ARNT: variants seen among roughly 807,000 people sequenced by gnomAD.
ARNT encodes the protein class E basic helix-loop-helix protein 2.
ARNT carries 30 observed loss-of-function variants against 105.0 expected under a neutral mutation model. That is an observed-to-expected ratio of 0.29 (90% CI 0.21 to 0.39). ARNT has a LOEUF of 0.39. ARNT is among the 10% of genes least tolerant of loss of function. The pLI, the probability that ARNT is intolerant of heterozygous loss-of-function variation, is 1.00. For synonymous variants in ARNT, 304 were observed against 344.0 expected (o/e 0.88, Z 1.29); for missense variants, 748 against 978.7 (o/e 0.76, Z 3.15).
At chr1:150,847,494 C>A (rs587641831) in intron 3 of ARNT, among the ~76,000 whole-genome samples, 2 of 151,828 alleles carry the variant, frequency 1.3e-5, no homozygotes, top group African/African-American at 4.8e-5. Context: ...CACAACAACC[C>A]GACTTGGTAA....
intron 14 of ARNT, among the ~76,000 whole-genome samples, chr1:150,819,754 C>T (rs773644471): frequency 2.0e-5 from 3 of 152,070 alleles, no homozygotes; most frequent in Non-Finnish European, 4.4e-5. Context: ...CATAGTTATA[C>T]AGAATTTCAG....
Position 150,831,860 on chromosome 1 carries a change from C to A in ARNT, c.913G>T (p.Val305Leu), listed in dbSNP as rs1022315844. ...SVKDGEPHFVVVHCTGYIKAW... is the reference protein window; with the variant it reads ...SVKDGEPHFVLVHCTGYIKAW... ...TTGATGTAGCCTGTGCAGTGGACCA[C>A]CACGAAGTGAGGTTCCCCATCCTTT... Residue 305 changes from valine (V) to leucine (L), a missense_variant, in exon 10 of 22, where the codon GTG (valine) becomes TTG (leucine). Coordinates refer to ENST00000358595, the MANE Select transcript of ARNT (RefSeq NM_001668.4). The A allele has an allele frequency of 3.8e-6, 6 of 1,598,596 alleles. No homozygotes were observed. The highest frequency in any genetic ancestry group is 5.1e-6 in the Non-Finnish European group (6 of 1,176,212).
Position 150,813,354 on chromosome 1 carries a change from GGAAGA to G in ARNT, c.2114-21_2114-17del. 1 of 1,554,852 alleles carries G rather than the reference GGAAGA, an allele frequency of 6.4e-7. No individual in the cohort carries two copies. Among genetic ancestry groups the G allele is most frequent in the South Asian group, 1.2e-5 (1 of 81,334 alleles). The stretch of plus-strand genomic sequence containing the variant: ...GTCTCAGGAGCTAGAAATACAGCAA[GGAAGA>G]ATAAACAACTCCAATCTACACAATT... On this transcript the variant is annotated splice_polypyrimidine_tract_variant and intron_variant, in intron 20 of 21. Coordinates refer to ENST00000358595, the MANE Select transcript of ARNT (RefSeq NM_001668.4).
In ARNT at chr1:150,813,311, T is replaced by C. The variant is rs1395148848; in HGVS notation, c.2141A>G (p.Gln714Arg). 2 of 1,613,172 alleles carry C rather than the reference T, an allele frequency of 1.2e-6. No individual in the cohort carries two copies. The highest frequency in any genetic ancestry group is 8.5e-7 in the Non-Finnish European group (1 of 1,179,578). The change falls in exon 21 of 22, where the codon CAA (glutamine) becomes CGA (arginine). Residue 714 changes from glutamine to arginine, a missense_variant. Gln to Arg is a conservative substitution (Grantham distance 43). This residue lies in a region of ARNT where 360 missense variants were observed against 411.9 expected (regional missense o/e 0.87). Coordinates refer to ENST00000358595, the MANE Select transcript of ARNT (RefSeq NM_001668.4). ...ACCCTCTGCTGTCCGTGTCTGGAAT[T>C]GTCCTGCAGTCTGTCCAGTCTCAGG... ...FAPETGQTAGQFQTRTAEGVG... is the reference protein window; with the variant it reads ...FAPETGQTAGRFQTRTAEGVG...
At chr1:150,871,229 T>C (rs74127058) in intron 1 of ARNT, among the ~76,000 whole-genome samples, 9,040 of 151,752 alleles carry the variant, frequency 0.06, 938 homozygotes, top group African/African-American at 0.21. Context: ...TGTTGTCATA[T>C]TTCCAACCTG....
At chr1:150,823,438 CTT>C (rs1657522320) in intron 13 of ARNT, 93 bp from the exon 14 acceptor site, 1 of 1,260,994 alleles carries the variant, frequency 7.9e-7, no homozygotes. Context: ...CCCTAAAACT[CTT>C]GTCATTGTCC....
At chr1:150,852,546 A>G (rs1484839084) in intron 3 of ARNT, among the ~76,000 whole-genome samples, 2 of 152,212 alleles carry the variant, frequency 1.3e-5, no homozygotes, top group African/African-American at 4.8e-5. Flanking sequence ...GAACTGATAC[A>G]GAGGGTTTGT....
chr1:150,853,848 A>G (rs1664070263), intron 2 of ARNT, among the ~76,000 whole-genome samples: 2 of 152,212 alleles, frequency 1.3e-5, no homozygotes, highest in Admixed American at 1.3e-4. Context: ...TCTGTACACT[A>G]TTGAACTAAA....
chr1:150,816,558 T>G, intron 18 of ARNT, 152 bp from the exon 19 acceptor site: 1 of 1,065,216 alleles, frequency 9.4e-7, no homozygotes. Flanking sequence ...CAAGAAAGAC[T>G]GACAGTCACA....
At chr1:150,845,125 T>C (rs893379372) in intron 4 of ARNT, among the ~76,000 whole-genome samples, 1 of 152,030 alleles carries the variant, frequency 6.6e-6, no homozygotes, top group Non-Finnish European at 1.5e-5. Context: ...CTGTCATTTT[T>C]AAAAAAACAG....
At chr1:150,841,909 C>G (rs898199560) in intron 5 of ARNT, among the ~76,000 whole-genome samples, 1 of 152,112 alleles carries the variant, frequency 6.6e-6, no homozygotes, top group East Asian at 1.9e-4. Context: ...AGAAAACTAC[C>G]GCAAGAAAGG....
intron 1 of ARNT, 132 bp from the exon 2 acceptor site, chr1:150,858,592 C>T: frequency 7.2e-6 from 5 of 692,542 alleles, no homozygotes; most frequent in Non-Finnish European, 1.2e-5. Context: ...ATCCCAAATG[C>T]TCATATCCAG....
rs914143400 is a variant in ARNT at position 150,813,986 on chromosome 1, A to G, written c.2113+91T>C. The G allele has an allele frequency of 1.8e-5, 26 of 1,483,120 alleles. No homozygotes were observed. In the African/African-American group the frequency reaches 3.5e-4, roughly 20 times the overall value. 91.9% of individuals were successfully genotyped at this position (1,483,120 alleles called of 1,614,324 possible). ...CATTTCCCTACAATCAGGTCAGTGTACCCACAACACAGGCAAACAACTTTA... is the reference window on the plus strand; with the variant it reads ...CATTTCCCTACAATCAGGTCAGTGTGCCCACAACACAGGCAAACAACTTTA... On this transcript the variant is annotated intron_variant, in intron 20 of 21. Coordinates refer to ENST00000358595, the MANE Select transcript of ARNT (RefSeq NM_001668.4).
Position 150,816,249 on chromosome 1 carries a change from T to C in ARNT, c.1950+10A>G. On this transcript the variant is annotated intron_variant, in intron 19 of 21. Transcript: ENST00000358595. ...TAATACACAGGGAACACACAGATGA[T>C]AAGTTTTACCTGGGCAGAAAAGCCT... 5 of 1,595,412 alleles carry C rather than the reference T, an allele frequency of 3.1e-6. No homozygotes were observed. The highest frequency in any genetic ancestry group is 4.3e-6 in the Non-Finnish European group (5 of 1,174,678).
Position 150,829,195 on chromosome 1 carries a change from A to G in ARNT, c.1065T>C (p.Ser355=). ...TGAACTCTGTTGGTTGACAAACATT[A>G]CTCATGTCTGTACAGTTGGGAGAAC... is the stretch of plus-strand genomic sequence containing the variant. ...VTSSPNCTDM[S]NVCQPTEFIS... is the part of the protein sequence containing the mutation. Residue 355 remains serine (S), a synonymous_variant, in exon 12 of 22, where the codon AGT becomes AGC. Coordinates refer to ENST00000358595, the MANE Select transcript of ARNT (RefSeq NM_001668.4). 6.2e-7 allele frequency: 1 copy of G among 1,614,184 alleles called. No individual in the cohort carries two copies. Among genetic ancestry groups the G allele is most frequent in the Non-Finnish European group, 8.5e-7 (1 of 1,180,002 alleles).
Position 150,876,580 on chromosome 1 carries a change from C to A in ARNT, c.-13G>T. 1 of 1,513,016 alleles carries A rather than the reference C, an allele frequency of 6.6e-7. No individual in the cohort carries two copies. 93.7% of individuals were successfully genotyped at this position (1,513,016 alleles called of 1,614,324 possible). On this transcript the variant is annotated 5_prime_UTR_variant, in exon 1 of 22. Transcript: ENST00000358595. Reference sequence around the variant, plus strand: ...TAGTCGCCGCCATGGCCGCAGATGCCACCGCCGCCGCGCCACCCCCCCCCC... The same window carrying A: ...TAGTCGCCGCCATGGCCGCAGATGCAACCGCCGCCGCGCCACCCCCCCCCC...
At chr1:150,840,747 C>T (rs1016753167) in intron 5 of ARNT, among the ~76,000 whole-genome samples, 3 of 152,184 alleles carry the variant, frequency 2.0e-5, no homozygotes, top group African/African-American at 4.8e-5. Context: ...AAATAGACCA[C>T]AGCTCCAACA....
At chr1:150,873,937 T>C (rs78182624) in intron 1 of ARNT, among the ~76,000 whole-genome samples, 8,207 of 149,328 alleles carry the variant, frequency 0.055, 777 homozygotes, top group African/African-American at 0.19. Flanking sequence ...AAAATAAGTA[T>C]TATTTTTAAA....
intron 2 of ARNT, chr1:150,853,149 C>T (rs868219990): frequency 1.9e-5 from 6 of 309,996 alleles, no homozygotes; most frequent in Middle Eastern, 1.0e-3. Context: ...GGCATGGTGG[C>T]GGGTGCCTGT....
Sources: gnomAD v4.1 joint callset for allele counts (sites outside exome capture counted in the v4.1 genomes callset) on GRCh38, gnomAD v4.1.1 for gene constraint, gnomAD v4.1.1 regional missense constraint, MANE v1.5 for transcripts, NCBI Gene and HGNC (gene_info 2026-07-23, HGNC 2026-07-21) for gene names.